Variants in MARCHF5 observed in about 807,000 individuals in gnomAD.
The protein encoded by MARCHF5 is membrane associated ring-CH-type finger 5.
Under a neutral mutation model 36.5 loss-of-function variants are expected in MARCHF5, and 5 were observed. That is an observed-to-expected ratio of 0.14 (90% CI 0.07 to 0.29). MARCHF5 has a LOEUF of 0.29. Ranked by LOEUF, MARCHF5 falls within the 10% of genes least tolerant of loss-of-function variation. MARCHF5 has a pLI of 1.00. For missense variants in MARCHF5, 179 were observed against 336.3 expected, an observed-to-expected ratio of 0.53 and a Z score of 3.66; for synonymous variants, 103 against 109.9, an observed-to-expected ratio of 0.94 and a Z score of 0.39.
At position 92,336,650 on chromosome 10, in the gene MARCHF5, G is replaced by A. The variant is rs564541618; in HGVS notation, c.239-4023G>A. 2.0e-5 allele frequency among the ~76,000 whole-genome samples: 3 copies of A among 152,218 alleles called. No homozygotes were observed. The South Asian group carries it at 6.2e-4, about 32-fold the overall frequency. ...GGCTTCATTGAGGTCAAGAAGAAGA[G>A]GAAGGGGCATGGTGGCACACACCTG... On this transcript the variant is annotated intron_variant, in intron 2 of 5. Coordinates refer to ENST00000358935, the MANE Select transcript of MARCHF5 (RefSeq NM_017824.5).
At chr10:92,327,457 A>C (rs1271024154) in intron 2 of MARCHF5, among the ~76,000 whole-genome samples, 2 of 152,168 alleles carry the variant, frequency 1.3e-5, no homozygotes, top group Non-Finnish European at 2.9e-5. Flanking sequence ...ACTGTTATAG[A>C]CAGTACTTTC....
At chr10:92,296,199 G>A (rs141501445) in intron 1 of MARCHF5, among the ~76,000 whole-genome samples, 183 of 152,074 alleles carry the variant, frequency 1.2e-3, no homozygotes, top group Middle Eastern at 6.8e-3. Context: ...TCTTTGGATT[G>A]CCTTTCGTTT....
At chr10:92,322,732 C>CT (rs928366232) in intron 2 of MARCHF5, among the ~76,000 whole-genome samples, 16 of 146,066 alleles carry the variant, frequency 1.1e-4, no homozygotes, top group Non-Finnish European at 1.8e-4. Flanking sequence ...ACATCTAGCC[C>CT]TTTTTTTTTT....
At chr10:92,336,095 G>T (rs1469327417) in intron 2 of MARCHF5, among the ~76,000 whole-genome samples, 1 of 152,136 alleles carries the variant, frequency 6.6e-6, no homozygotes, top group African/African-American at 2.4e-5. Flanking sequence ...GAATGCAATG[G>T]TGCCATCTCA....
intron 1 of MARCHF5, among the ~76,000 whole-genome samples, chr10:92,308,322 G>T (rs1257002726): frequency 6.6e-6 from 1 of 152,182 alleles, no homozygotes; most frequent in Non-Finnish European, 1.5e-5. Flanking sequence ...GCTGGTGGGA[G>T]TGTAGCAGTG....
At chr10:92,336,197 G>A (rs1315541420) in intron 2 of MARCHF5, among the ~76,000 whole-genome samples, 2 of 152,054 alleles carry the variant, frequency 1.3e-5, no homozygotes, top group African/African-American at 2.4e-5. Flanking sequence ...CACCACGCCC[G>A]GCTAATTGTT....
At chr10:92,321,278 G>A (rs113961304) in intron 2 of MARCHF5, among the ~76,000 whole-genome samples, 2 of 152,210 alleles carry the variant, frequency 1.3e-5, no homozygotes, top group African/African-American at 4.8e-5. Flanking sequence ...TCAGGTTGAG[G>A]ATGTCCCATC....
chr10:92,342,909 A>G (rs1173972136), intron 3 of MARCHF5, among the ~76,000 whole-genome samples: 1 of 152,248 alleles, frequency 6.6e-6, no homozygotes, highest in Non-Finnish European at 1.5e-5. Flanking sequence ...CCAGGGTCAA[A>G]CCTTTATGGC....
chr10:92,295,868 T>C (rs1842944401), intron 1 of MARCHF5, among the ~76,000 whole-genome samples: 1 of 151,908 alleles, frequency 6.6e-6, no homozygotes, highest in Non-Finnish European at 1.5e-5. Flanking sequence ...TACATACATA[T>C]ATATATGGAA....
intron 2 of MARCHF5, among the ~76,000 whole-genome samples, chr10:92,320,588 G>A (rs1261113637): frequency 3.9e-5 from 6 of 151,956 alleles, no homozygotes; most frequent in Non-Finnish European, 8.8e-5. Context: ...GCTAATGTGT[G>A]TATTTGTGTC....
intron 2 of MARCHF5, among the ~76,000 whole-genome samples, chr10:92,320,551 G>A (rs549358773): frequency 6.6e-6 from 1 of 152,158 alleles, no homozygotes; most frequent in East Asian, 1.9e-4. Flanking sequence ...GATATTAATT[G>A]ATGATCCTGA....
In MARCHF5 at chr10:92,349,710, A is replaced by G. The variant is rs146856965; in HGVS notation, c.593A>G (p.Asn198Ser). 45 of 1,613,982 alleles carry G rather than the reference A, an allele frequency of 2.8e-5. No individual in the cohort carries two copies. Among genetic ancestry groups the G allele is most frequent in the African/African-American group, 8.0e-5 (6 of 74,900 alleles). The change falls in exon 5 of 6, where the codon AAT (asparagine) becomes AGT (serine). Residue 198 changes from asparagine (N) to serine (S), a missense_variant. Coordinates refer to ENST00000358935, the MANE Select transcript of MARCHF5 (RefSeq NM_017824.5). ...GTTCCTCGAATTCCAGCTGAGGCCAATCCTTTAGCAGATCATGTCTCTGCT... is the reference window on the plus strand; with the variant it reads ...GTTCCTCGAATTCCAGCTGAGGCCAGTCCTTTAGCAGATCATGTCTCTGCT... ...CPVPRIPAEA[N>S]PLADHVSATR...
At chr10:92,340,976 T>C (rs1385588638) in intron 3 of MARCHF5, among the ~76,000 whole-genome samples, 173 bp downstream of exon 3, 1 of 152,278 alleles carries the variant, frequency 6.6e-6, no homozygotes, top group African/African-American at 2.4e-5. Flanking sequence ...ATTATAGCTG[T>C]ATCTCCCTTT....
At chr10:92,347,507 T>C (rs1357146415) in intron 3 of MARCHF5, among the ~76,000 whole-genome samples, 1 of 112,402 alleles carries the variant, frequency 8.9e-6, no homozygotes, top group African/African-American at 3.3e-5. Flanking sequence ...GATAGATAGA[T>C]AGATAGATAG....
intron 1 of MARCHF5, among the ~76,000 whole-genome samples, chr10:92,309,268 T>G (rs1430347962): frequency 1.3e-5 from 2 of 152,178 alleles, no homozygotes; most frequent in African/African-American, 2.4e-5. Flanking sequence ...TATCTAGAAT[T>G]TATAAGGAAT....
intron 1 of MARCHF5, among the ~76,000 whole-genome samples, chr10:92,299,678 C>T (rs1476875959): frequency 6.6e-6 from 1 of 152,152 alleles, no homozygotes; most frequent in Non-Finnish European, 1.5e-5. Flanking sequence ...CACACACACA[C>T]ATATTCATCT....
chr10:92,349,278 AAAAT>A (rs1188063648), intron 3 of MARCHF5, 67 bp from the exon 4 acceptor site: 1 of 1,170,444 alleles, frequency 8.5e-7, no homozygotes, highest in Non-Finnish European at 1.2e-6. Context: ...TTCTATTAAA[AAAAT>A]AGAGCTTAAC....
At chr10:92,348,091 G>A (rs1843676366) in intron 3 of MARCHF5, among the ~76,000 whole-genome samples, 1 of 151,580 alleles carries the variant, frequency 6.6e-6, no homozygotes, top group Admixed American at 6.6e-5. Flanking sequence ...GCTGAGGCAG[G>A]AGAATTGCTT....
intron 2 of MARCHF5, among the ~76,000 whole-genome samples, chr10:92,323,539 C>T (rs1245584005): frequency 1.3e-5 from 2 of 152,204 alleles, no homozygotes; most frequent in Admixed American, 6.5e-5. Flanking sequence ...AATAGTTTCA[C>T]TGACCTAAAA....
Sources: allele counts gnomAD v4.1 joint callset (sites outside exome capture counted in the v4.1 genomes callset), GRCh38; gene constraint gnomAD v4.1.1; transcripts MANE v1.5; gene names NCBI Gene and HGNC (gene_info 2026-07-23, HGNC 2026-07-21).